PPM1E: variants seen among roughly 807,000 people sequenced by gnomAD.
PPM1E encodes protein phosphatase 1E.
A neutral mutation model predicts 65.9 loss-of-function variants in PPM1E; 20 were observed. That is an observed-to-expected ratio of 0.30 (90% confidence interval 0.21 to 0.44). The LOEUF is 0.44. PPM1E is among the 20% of genes least tolerant of loss of function. The pLI is 1.00. For missense variants in PPM1E, 713 were observed against 953.1 expected, an observed-to-expected ratio of 0.75 and a Z score of 3.32; for synonymous variants, 352 against 374.9, an observed-to-expected ratio of 0.94 and a Z score of 0.70.
intron 1 of PPM1E, among the ~76,000 whole-genome samples, chr17:58,944,326 G>C (rs1404672791): frequency 6.6e-6 from 1 of 152,074 alleles, no homozygotes; most frequent in Non-Finnish European, 1.5e-5. Flanking sequence ...AGGTTTCTTT[G>C]TTCCTTCTCT....
At chr17:58,888,673 A>G (rs1598631227) in intron 1 of PPM1E, among the ~76,000 whole-genome samples, 1 of 152,256 alleles carries the variant, frequency 6.6e-6, no homozygotes, top group East Asian at 1.9e-4. Context: ...TCTTCTCTTT[A>G]AACAATGATT....
At chr17:58,913,385 A>G (rs1171231144) in intron 1 of PPM1E, among the ~76,000 whole-genome samples, 1 of 149,520 alleles carries the variant, frequency 6.7e-6, no homozygotes, top group Non-Finnish European at 1.5e-5. Flanking sequence ...GAGCAGACTT[A>G]AAAAAAAAAC....
intron 1 of PPM1E, among the ~76,000 whole-genome samples, chr17:58,921,938 G>C (rs2051757061): frequency 6.6e-6 from 1 of 151,652 alleles, no homozygotes; most frequent in South Asian, 2.1e-4. Context: ...TACTCGGGAG[G>C]CTGAGGCAGG....
At chr17:58,786,107 C>T (rs1014631493) in intron 1 of PPM1E, among the ~76,000 whole-genome samples, 4 of 151,526 alleles carry the variant, frequency 2.6e-5, no homozygotes, top group Admixed American at 6.6e-5. Flanking sequence ...CTCCGCCTCC[C>T]GGGTTCACGC....
intron 1 of PPM1E, among the ~76,000 whole-genome samples, chr17:58,911,225 T>G (rs1453599512): frequency 6.6e-6 from 1 of 152,216 alleles, no homozygotes; most frequent in Non-Finnish European, 1.5e-5. Flanking sequence ...TAAGAAGTAT[T>G]GTTGGTTTTG....
At chr17:58,824,689 C>T (rs2050514768) in intron 1 of PPM1E, among the ~76,000 whole-genome samples, 2 of 151,338 alleles carry the variant, frequency 1.3e-5, no homozygotes, top group Non-Finnish European at 1.5e-5. Context: ...CCCGGGTTCA[C>T]ACCATTCTCT....
chr17:58,858,995 G>A lies in PPM1E; in HGVS notation c.465-96654G>A, dbSNP rs571382804. Among the ~76,000 whole-genome samples, 3 of 152,358 alleles carry A rather than the reference G, an allele frequency of 2.0e-5. No individual in the cohort carries two copies. The East Asian group carries it at 5.8e-4, about 29-fold the overall frequency. The stretch of plus-strand genomic sequence containing the variant: ...CCTTAAATAATGCGATTCAGAAAGT[G>A]TGATTAAGTATAGCGTTTATTCAAG... On this transcript the variant is annotated intron_variant, in intron 1 of 6. Transcript: ENST00000308249.
intron 1 of PPM1E, among the ~76,000 whole-genome samples, chr17:58,850,069 A>G (rs1166548273): frequency 1.3e-5 from 2 of 151,818 alleles, no homozygotes; most frequent in African/African-American, 2.4e-5. Flanking sequence ...TTGTTGGTTT[A>G]AAGTCTGTTA....
chr17:58,844,700 TAG>T (rs1231718814), intron 1 of PPM1E, among the ~76,000 whole-genome samples: 1 of 152,220 alleles, frequency 6.6e-6, no homozygotes, highest in Non-Finnish European at 1.5e-5. Context: ...GTCTTCTACT[TAG>T]AGTCTTTTAT....
Position 58,892,126 on chromosome 17 carries a change from G to A in PPM1E, c.465-63523G>A, listed in dbSNP as rs149903791. ...GCTGGGATTACAGGTGTGAGCCACC[G>A]TGCATGGCCATGTTTTACATCTTTC... On this transcript the variant is annotated intron_variant, in intron 1 of 6. Coordinates refer to ENST00000308249, the MANE Select transcript of PPM1E (RefSeq NM_014906.5). Among the ~76,000 whole-genome samples the A allele has an allele frequency of 8.5e-4, 129 of 152,142 alleles. 1 individual carries two copies. Among genetic ancestry groups the A allele is most frequent in the African/African-American group, 2.6e-3 (106 of 41,530 alleles).
intron 2 of PPM1E, among the ~76,000 whole-genome samples, chr17:58,963,264 G>A (rs557216121): frequency 6.6e-6 from 1 of 151,842 alleles, no homozygotes; most frequent in South Asian, 2.1e-4. Flanking sequence ...GCGGGTGCCT[G>A]TAATCCCAGC....
intron 1 of PPM1E, among the ~76,000 whole-genome samples, chr17:58,825,512 T>C (rs1308236028): frequency 6.6e-6 from 1 of 152,142 alleles, no homozygotes; most frequent in Non-Finnish European, 1.5e-5. Context: ...TGGTGTTTTT[T>C]TTTTCAGGAA....
intron 1 of PPM1E, among the ~76,000 whole-genome samples, chr17:58,936,607 T>C (rs145367935): frequency 4.3e-4 from 66 of 152,292 alleles, no homozygotes; most frequent in African/African-American, 1.5e-3. Flanking sequence ...ATGTCGTTAG[T>C]GATTTGTGTA....
rs2031466794 is a variant in PPM1E, at chr17:58,983,101, G to A, written c.*2070G>A. The A allele has an allele frequency of 3.3e-5, 18 of 549,894 alleles. No individual in the cohort carries two copies. The highest frequency in any genetic ancestry group is 5.2e-5 in the South Asian group (2 of 38,166). 34.1% of individuals were successfully genotyped at this position (549,894 alleles called of 1,614,324 possible). The stretch of plus-strand genomic sequence containing the variant: ...TACACATGCTAGGCTTTCTCAGTGG[G>A]GAAAAAAATGGCTGGATAGAACTGG... On this transcript the variant is annotated 3_prime_UTR_variant, in exon 7 of 7. Transcript: ENST00000308249.
At chr17:58,855,243 A>G (rs539505196) in intron 1 of PPM1E, among the ~76,000 whole-genome samples, 1 of 152,326 alleles carries the variant, frequency 6.6e-6, no homozygotes, top group Non-Finnish European at 1.5e-5. Context: ...GAAATTAGTT[A>G]ACTAAATAGG....
intron 1 of PPM1E, among the ~76,000 whole-genome samples, chr17:58,925,094 A>G (rs747458612): frequency 3.3e-5 from 5 of 152,250 alleles, no homozygotes; most frequent in South Asian, 2.1e-4. Flanking sequence ...TATATACCCA[A>G]TAATGGAATT....
At chr17:58,805,985 C>CAAAAAAA (rs1217000216) in intron 1 of PPM1E, among the ~76,000 whole-genome samples, 5 of 77,478 alleles carry the variant, frequency 6.5e-5, no homozygotes, top group Admixed American at 1.4e-4. Flanking sequence ...AAAAAAAAAA[C>CAAAAAAA]AAAACAAAAC....
rs184179983 is a variant in PPM1E at position 58,908,185 on chromosome 17, A to G, written c.465-47464A>G. On this transcript the variant is annotated intron_variant, in intron 1 of 6. Coordinates refer to ENST00000308249, the MANE Select transcript of PPM1E (RefSeq NM_014906.5). ...CAACCTCTACTTCCCAGATTCAAGC[A>G]ATTCTCCTGCCTCAGCCTCCCGAGT... Among the ~76,000 whole-genome samples the G allele has an allele frequency of 4.3e-3, 658 of 151,798 alleles. 2 individuals carry two copies. Among genetic ancestry groups the G allele is most frequent in the African/African-American group, 0.015 (631 of 41,392 alleles).
intron 1 of PPM1E, among the ~76,000 whole-genome samples, chr17:58,943,140 T>G (rs1246860388): frequency 6.6e-6 from 1 of 152,026 alleles, no homozygotes; most frequent in Non-Finnish European, 1.5e-5. Context: ...GAAATTGCAG[T>G]GAGCCAAGAT....
Sources: allele counts gnomAD v4.1 joint callset (sites outside exome capture counted in the v4.1 genomes callset), GRCh38; gene constraint gnomAD v4.1.1; transcripts MANE v1.5; gene names NCBI Gene and HGNC (gene_info 2026-07-23, HGNC 2026-07-21).